Variants in CAMK1D observed in about 807,000 individuals in gnomAD.
CAMK1D encodes the protein calcium/calmodulin dependent protein kinase ID, also known as calcium/calmodulin-dependent protein kinase type 1D.
CAMK1D carries 9 observed loss-of-function variants against 47.7 expected under a neutral mutation model. That is an observed-to-expected ratio of 0.19 (90% CI 0.11 to 0.33). The LOEUF (loss-of-function observed/expected upper bound fraction) is 0.33. Ranked by LOEUF, CAMK1D falls within the 10% of genes least tolerant of loss-of-function variation. The probability of loss-of-function intolerance (pLI) is 1.00; values close to 1 mark genes in which losing one functional copy is unlikely to be tolerated. For synonymous variants in CAMK1D, 184 were observed against 184.9 expected (o/e 0.99, Z 0.04); for missense variants, 291 against 488.7 (o/e 0.60, Z 3.81).
intron 1 of CAMK1D, among the ~76,000 whole-genome samples, chr10:12,526,834 A>G (rs546766229): frequency 1.4e-4 from 21 of 150,114 alleles, no homozygotes; most frequent in African/African-American, 1.7e-4. Flanking sequence ...AGGAGGATCA[A>G]TTGAGCCTGG....
intron 1 of CAMK1D, among the ~76,000 whole-genome samples, chr10:12,445,972 G>A (rs1322564768): frequency 2.6e-5 from 4 of 152,272 alleles, no homozygotes; most frequent in African/African-American, 7.2e-5. Flanking sequence ...AGTTCCCAGC[G>A]AGGGAAATAA....
At chr10:12,386,341 A>G (rs1037588808) in intron 1 of CAMK1D, among the ~76,000 whole-genome samples, 4 of 152,074 alleles carry the variant, frequency 2.6e-5, no homozygotes, top group African/African-American at 9.7e-5. Context: ...CTGGAGACCA[A>G]TAGGAGGATT....
At chr10:12,679,448 A>G (rs1840918993) in intron 3 of CAMK1D, among the ~76,000 whole-genome samples, 1 of 152,230 alleles carries the variant, frequency 6.6e-6, no homozygotes, top group South Asian at 2.1e-4. Flanking sequence ...CATGGACTTC[A>G]TTGCTTCTGA....
intron 1 of CAMK1D, among the ~76,000 whole-genome samples, chr10:12,418,524 C>T (rs1839932674): frequency 6.6e-6 from 1 of 152,104 alleles, no homozygotes; most frequent in Admixed American, 6.6e-5. Context: ...GGGAGGATTG[C>T]TTGAACCTAG....
chr10:12,798,439 T>A (rs911156510), intron 6 of CAMK1D, among the ~76,000 whole-genome samples: 2 of 152,202 alleles, frequency 1.3e-5, no homozygotes, highest in African/African-American at 4.8e-5. Flanking sequence ...AATCTAGTCT[T>A]ACCAGCTGCC....
chr10:12,405,731 C>T (rs929977470), intron 1 of CAMK1D, among the ~76,000 whole-genome samples: 4 of 152,228 alleles, frequency 2.6e-5, no homozygotes, highest in Admixed American at 2.0e-4. Flanking sequence ...TGAGCAAACC[C>T]GTGATATCAG....
At chr10:12,629,295 T>G (rs1839311171) in intron 2 of CAMK1D, among the ~76,000 whole-genome samples, 1 of 152,258 alleles carries the variant, frequency 6.6e-6, no homozygotes, top group African/African-American at 2.4e-5. Context: ...GATCCAGTCC[T>G]GGTTTTAGCC....
chr10:12,434,496 T>C (rs1302262458), intron 1 of CAMK1D, among the ~76,000 whole-genome samples: 2 of 152,162 alleles, frequency 1.3e-5, no homozygotes, highest in African/African-American at 2.4e-5. Context: ...TTGGCTTGGC[T>C]CCAGGCTCAT....
rs1837779575 is a variant in CAMK1D, at chr10:12,787,459, T to C, written c.566-3699T>C. On this transcript the variant is annotated intron_variant, in intron 5 of 10. Transcript: ENST00000619168. ...CCCACCATCCACGATGCTGGAGAAC[T>C]GTGAGCATAGAGCACTCACGAGAAC... Among the ~76,000 whole-genome samples, 6 of 152,328 alleles carry C rather than the reference T, an allele frequency of 3.9e-5. No homozygotes were observed. The South Asian group carries it at 1.2e-3, about 32-fold the overall frequency.
intron 3 of CAMK1D, among the ~76,000 whole-genome samples, chr10:12,702,915 T>C (rs987582233): frequency 6.6e-6 from 1 of 152,230 alleles, no homozygotes; most frequent in Non-Finnish European, 1.5e-5. Context: ...CAGAGAGCAT[T>C]GTTCCTCTCA....
chr10:12,623,135 C>T (rs1423998252), intron 2 of CAMK1D, among the ~76,000 whole-genome samples: 1 of 39,160 alleles, frequency 2.6e-5, no homozygotes, highest in African/African-American at 8.3e-5. Context: ...CTTCCTCCCT[C>T]CCTTCCTCCC....
intron 2 of CAMK1D, among the ~76,000 whole-genome samples, chr10:12,657,057 T>C (rs1425108792): frequency 6.6e-6 from 1 of 152,222 alleles, no homozygotes; most frequent in Non-Finnish European, 1.5e-5. Context: ...TGCATTTCTT[T>C]TTGTGTGCAC....
intron 1 of CAMK1D, among the ~76,000 whole-genome samples, chr10:12,458,258 G>T (rs1390332497): frequency 6.6e-6 from 1 of 152,144 alleles, no homozygotes; most frequent in African/African-American, 2.4e-5. Context: ...CATTCTTGAG[G>T]GGGCAAACAC....
At chr10:12,766,871 G>T (rs1170001288) in intron 4 of CAMK1D, among the ~76,000 whole-genome samples, 1 of 152,164 alleles carries the variant, frequency 6.6e-6, no homozygotes, top group African/African-American at 2.4e-5. Flanking sequence ...ACAAGGCCAA[G>T]GTCAAGGCCT....
At chr10:12,804,042 AG>A (rs1306692592) in intron 6 of CAMK1D, among the ~76,000 whole-genome samples, 1 of 152,146 alleles carries the variant, frequency 6.6e-6, no homozygotes, top group Non-Finnish European at 1.5e-5. Context: ...GGGTGGGCCC[AG>A]GGCATATTTG....
chr10:12,433,932 A>G (rs1832558499), intron 1 of CAMK1D, among the ~76,000 whole-genome samples: 1 of 152,222 alleles, frequency 6.6e-6, no homozygotes, highest in African/African-American at 2.4e-5. Flanking sequence ...AGTTGCATCT[A>G]CAAGTCCCTC....
chr10:12,413,015 C>T (rs1839717791), intron 1 of CAMK1D, among the ~76,000 whole-genome samples: 3 of 152,154 alleles, frequency 2.0e-5, no homozygotes, highest in Admixed American at 2.0e-4. Flanking sequence ...AATGTGGGTC[C>T]AGGCAGAATG....
intron 1 of CAMK1D, among the ~76,000 whole-genome samples, chr10:12,456,142 A>G (rs1283681675): frequency 3.3e-5 from 5 of 152,208 alleles, no homozygotes; most frequent in African/African-American, 4.8e-5. Context: ...ATGAATTACT[A>G]AAAACTCTGG....
intron 1 of CAMK1D, among the ~76,000 whole-genome samples, chr10:12,477,418 A>G (rs1226345229): frequency 6.6e-6 from 1 of 152,168 alleles, no homozygotes; most frequent in Non-Finnish European, 1.5e-5. Flanking sequence ...CTGGCTCAAA[A>G]AAGCAGAAGA....
Sources: gnomAD v4.1 joint callset for allele counts (sites outside exome capture counted in the v4.1 genomes callset) on GRCh38, gnomAD v4.1.1 for gene constraint, MANE v1.5 for transcripts, NCBI Gene and HGNC (gene_info 2026-07-23, HGNC 2026-07-21) for gene names.